The following CACNA2D1 variants were observed in gnomAD, a reference collection of about 807,000 sequenced individuals.
The protein encoded by CACNA2D1 is voltage-dependent calcium channel subunit alpha-2/delta-1.
CACNA2D1 carries 53 observed loss-of-function variants against 171.5 expected under a neutral mutation model. The observed-to-expected ratio is 0.31, with a 90% CI of 0.25 to 0.39. The LOEUF is 0.39. Ranked by LOEUF, CACNA2D1 falls within the 10% of genes least tolerant of loss-of-function variation. CACNA2D1 has a pLI of 1.00. For synonymous variants in CACNA2D1, 442 were observed against 443.1 expected, an observed-to-expected ratio of 1.00 and a Z score of 0.03; for missense variants, 903 against 1,299.8, an observed-to-expected ratio of 0.69 and a Z score of 4.69.
At chr7:82,319,786 C>T (rs977317616) in intron 3 of CACNA2D1, among the ~76,000 whole-genome samples, 6 of 152,140 alleles carry the variant, frequency 3.9e-5, no homozygotes, top group Admixed American at 3.9e-4. Flanking sequence ...ATAGGAGTAG[C>T]TGTAATTGGG....
intron 3 of CACNA2D1, among the ~76,000 whole-genome samples, chr7:82,184,659 T>G (rs1003413711): frequency 1.3e-5 from 2 of 152,150 alleles, no homozygotes; most frequent in Admixed American, 6.6e-5. Context: ...CTCTCGAGTC[T>G]CAAGTACAAA....
At chr7:82,321,002 T>C (rs1025981993) in intron 3 of CACNA2D1, among the ~76,000 whole-genome samples, 1 of 150,216 alleles carries the variant, frequency 6.7e-6, no homozygotes, top group Non-Finnish European at 1.5e-5. Context: ...AAGTCATCTA[T>C]GACTTAATGA....
intron 10 of CACNA2D1, among the ~76,000 whole-genome samples, chr7:82,044,781 TAA>T (rs964681899): frequency 6.6e-6 from 1 of 152,152 alleles, no homozygotes; most frequent in East Asian, 1.9e-4. Context: ...TTCCTATTTT[TAA>T]AAAACTTTCA....
At chr7:81,978,599 G>A (rs550586971) in intron 24 of CACNA2D1, among the ~76,000 whole-genome samples, 1 of 151,960 alleles carries the variant, frequency 6.6e-6, no homozygotes, top group East Asian at 1.9e-4. Context: ...GGGAGGGAGA[G>A]CATCAGGACA....
At chr7:81,955,372 C>A (rs1002120516) in intron 38 of CACNA2D1, among the ~76,000 whole-genome samples, 2 of 151,988 alleles carry the variant, frequency 1.3e-5, no homozygotes, top group Non-Finnish European at 1.5e-5. Flanking sequence ...GAAACAACTG[C>A]CAACTAACAT....
chr7:82,187,455 A>G (rs1797885208), intron 3 of CACNA2D1, among the ~76,000 whole-genome samples: 1 of 152,182 alleles, frequency 6.6e-6, no homozygotes, highest in African/African-American at 2.4e-5. Context: ...GTACAATAGT[A>G]TTTATTACTC....
chr7:82,072,213 G>T (rs1215433467), intron 7 of CACNA2D1, among the ~76,000 whole-genome samples: 1 of 152,068 alleles, frequency 6.6e-6, no homozygotes, highest in Non-Finnish European at 1.5e-5. Flanking sequence ...TTGAATAACT[G>T]ATGGAGTACA....
intron 1 of CACNA2D1, among the ~76,000 whole-genome samples, chr7:82,382,679 G>C (rs139982144): frequency 6.6e-6 from 1 of 152,146 alleles, no homozygotes; most frequent in South Asian, 2.1e-4. Flanking sequence ...AGTGTAAGGG[G>C]ACCACCTCCT....
At position 82,060,417 on chromosome 7, in the gene CACNA2D1, C is replaced by T. The variant is rs1416507257; in HGVS notation, c.879+11G>A. ...ATTTAATTCAGGAAAATGCAGTCAT[C>T]TTATACTTACTGAAGCTACATTCAC... On this transcript the variant is annotated intron_variant, in intron 10 of 38. Transcript: ENST00000356860. The T allele has an allele frequency of 6.4e-7, 1 of 1,565,048 alleles. No homozygotes were observed. Among genetic ancestry groups the T allele is most frequent in the Non-Finnish European group, 8.8e-7 (1 of 1,138,978 alleles).
At chr7:82,136,584 T>A (rs775221972) in intron 5 of CACNA2D1, 51 bp downstream of exon 5, 6 of 1,400,714 alleles carry the variant, frequency 4.3e-6, no homozygotes, top group Admixed American at 1.9e-5. Context: ...ATAAGGCCAA[T>A]CATTTTACTA....
chr7:82,290,664 T>G (rs953990454), intron 3 of CACNA2D1, among the ~76,000 whole-genome samples: 2 of 151,024 alleles, frequency 1.3e-5, no homozygotes, highest in African/African-American at 4.9e-5. Flanking sequence ...TGGCATGATC[T>G]CGGCTCACCA....
At chr7:82,282,522 G>C (rs1810245568) in intron 3 of CACNA2D1, among the ~76,000 whole-genome samples, 2 of 152,094 alleles carry the variant, frequency 1.3e-5, no homozygotes, top group Admixed American at 6.6e-5. Flanking sequence ...AAGGTTAGCA[G>C]GATTTGTGAG....
In CACNA2D1 at chr7:82,340,248, T is replaced by G. The variant is rs1008559460; in HGVS notation, c.178-4997A>C. On this transcript the variant is annotated intron_variant, in intron 2 of 38. Coordinates refer to ENST00000356860, the MANE Select transcript of CACNA2D1 (RefSeq NM_000722.4). ...AGGCTGCCTTGCCTCTGAACTGCCC[T>G]TCCTCTGACCAAACTATTTTCTAAA... is the stretch of plus-strand genomic sequence containing the variant. Among the ~76,000 whole-genome samples, 12 of 152,282 alleles carry G rather than the reference T, an allele frequency of 7.9e-5. No individual in the cohort carries two copies. In the East Asian group the frequency reaches 2.1e-3, roughly 27 times the overall value.
intron 12 of CACNA2D1, chr7:82,028,798 C>T (rs924478644): frequency 9.9e-5 from 15 of 151,834 alleles, no homozygotes; most frequent in African/African-American, 3.6e-4. Flanking sequence ...TGAATTGCTA[C>T]AATCTCATGA....
chr7:82,053,916 C>T lies in CACNA2D1; in HGVS notation c.879+6512G>A, dbSNP rs897997111. Among the ~76,000 whole-genome samples the T allele has an allele frequency of 7.2e-5, 11 of 152,194 alleles. No homozygotes were observed. In the South Asian group the frequency reaches 1.2e-3, roughly 17 times the overall value. On this transcript the variant is annotated intron_variant, in intron 10 of 38. Coordinates refer to ENST00000356860, the MANE Select transcript of CACNA2D1 (RefSeq NM_000722.4). ...TTCAAACCACACCAAATGAGTACACCCAGCTTAGGATTTACAAAGAGCTGT... is the reference window on the plus strand; with the variant it reads ...TTCAAACCACACCAAATGAGTACACTCAGCTTAGGATTTACAAAGAGCTGT...
intron 18 of CACNA2D1, among the ~76,000 whole-genome samples, chr7:82,002,039 AAAAAG>A (rs1217219695): frequency 1.1e-4 from 16 of 149,628 alleles, no homozygotes; most frequent in African/African-American, 3.5e-4. Flanking sequence ...AAAAAAAAAA[AAAAAG>A]AGAGAGAGAG....
At chr7:82,051,047 G>T (rs140037764) in intron 10 of CACNA2D1, 1 of 168,940 alleles carries the variant, frequency 5.9e-6, no homozygotes, top group African/African-American at 2.4e-5. Flanking sequence ...GTGTTGGCAG[G>T]ATCATTCCAT....
intron 6 of CACNA2D1, among the ~76,000 whole-genome samples, chr7:82,094,277 A>G (rs962199117): frequency 4.6e-5 from 7 of 152,196 alleles, no homozygotes; most frequent in South Asian, 2.1e-4. Context: ...AAATTGAACT[A>G]CAGATTAATA....
intron 1 of CACNA2D1, among the ~76,000 whole-genome samples, chr7:82,381,717 T>C (rs944524364): frequency 6.6e-6 from 1 of 152,176 alleles, no homozygotes; most frequent in African/African-American, 2.4e-5. Context: ...CTTATGCAAT[T>C]AGTACACTAT....
Sources: gnomAD v4.1 joint callset for allele counts (sites outside exome capture counted in the v4.1 genomes callset) on GRCh38, gnomAD v4.1.1 for gene constraint, MANE v1.5 for transcripts, NCBI Gene and HGNC (gene_info 2026-07-23, HGNC 2026-07-21) for gene names.